The following PRKCA variants were observed in gnomAD, a reference collection of about 807,000 sequenced individuals.
PRKCA encodes the protein protein kinase C alpha type.
PRKCA carries 27 observed loss-of-function variants against 87.0 expected under a neutral mutation model. The observed-to-expected ratio is 0.31, with a 90% CI of 0.23 to 0.43. The LOEUF (loss-of-function observed/expected upper bound fraction) is 0.43, where lower values mean the gene tolerates loss of function less well. PRKCA is among the 20% of genes least tolerant of loss of function. The probability of loss-of-function intolerance (pLI) is 1.00; values close to 1 mark genes in which losing one functional copy is unlikely to be tolerated. For synonymous variants in PRKCA, 329 were observed against 311.1 expected (o/e 1.06, Z -0.61); for missense variants, 518 against 852.3 (o/e 0.61, Z 4.88).
intron 2 of PRKCA, among the ~76,000 whole-genome samples, chr17:66,484,166 C>T (rs1026311282): frequency 6.6e-6 from 1 of 152,060 alleles, no homozygotes; most frequent in Non-Finnish European, 1.5e-5. Flanking sequence ...TTACTCACTA[C>T]GACGAGAACA....
intron 3 of PRKCA, among the ~76,000 whole-genome samples, chr17:66,606,289 G>A (rs1970207574): frequency 6.6e-6 from 1 of 152,192 alleles, no homozygotes; most frequent in Non-Finnish European, 1.5e-5. Context: ...TCGGGAGGCT[G>A]AGGCAGGAGA....
At chr17:66,461,460 G>T (rs1209349560) in intron 2 of PRKCA, among the ~76,000 whole-genome samples, 1 of 152,130 alleles carries the variant, frequency 6.6e-6, no homozygotes, top group Non-Finnish European at 1.5e-5. Context: ...CACCTGAGTT[G>T]TGGTGAACAG....
chr17:66,548,657 C>T (rs983739669), intron 3 of PRKCA, among the ~76,000 whole-genome samples: 2 of 152,152 alleles, frequency 1.3e-5, no homozygotes, highest in Non-Finnish European at 2.9e-5. Context: ...TGAGGTGACC[C>T]TATCCTGGAC....
At chr17:66,534,313 AGGTCG>A (rs1967685599) in intron 3 of PRKCA, among the ~76,000 whole-genome samples, 1 of 152,138 alleles carries the variant, frequency 6.6e-6, no homozygotes, top group Admixed American at 6.5e-5. Flanking sequence ...TATCTGATGA[AGGTCG>A]ATTCTTATCC....
Position 66,810,273 on chromosome 17 carries a change from G to C in PRKCA, c.*6236G>C, listed in dbSNP as rs919250042. ...GAAGAATATCATTCTTTTCTTGAAG[G>C]GTTGGTTTACTAGAATATTCAAAAT... On this transcript the variant is annotated 3_prime_UTR_variant, in exon 17 of 17. Transcript: ENST00000413366. 1 of 152,064 alleles carries C rather than the reference G, an allele frequency of 6.6e-6. No individual in the cohort carries two copies. The highest frequency in any genetic ancestry group is 1.5e-5 in the Non-Finnish European group (1 of 68,014). The allele number at this position is 152,064 out of a possible 1,614,324, so 9.4% of individuals were successfully genotyped here.
At chr17:66,466,815 G>A (rs759127334) in intron 2 of PRKCA, among the ~76,000 whole-genome samples, 1 of 151,884 alleles carries the variant, frequency 6.6e-6, no homozygotes, top group African/African-American at 2.4e-5. Flanking sequence ...ATTCCTTCAC[G>A]CTGGGGTCAA....
intron 2 of PRKCA, chr17:66,415,329 A>G (rs1912072932): frequency 1.3e-5 from 2 of 152,142 alleles, no homozygotes; most frequent in African/African-American, 4.8e-5. Flanking sequence ...GCTTATATCA[A>G]ATTAGCATGA....
Position 66,377,719 on chromosome 17 carries a change from A to ATTTT in PRKCA, c.205+71593_205+71594insTTTT, listed in dbSNP as rs1202755202. Among the ~76,000 whole-genome samples the ATTTT allele has an allele frequency of 1.4e-3, 51 of 37,158 alleles. 1 individual carries two copies. The South Asian group carries it at 0.028, about 20-fold the overall frequency. The allele number at this position is 37,158 out of a possible 152,430, so 24.4% of individuals were successfully genotyped here. A position where few individuals can be genotyped will look rare whatever the true frequency, so the allele number is the denominator to read the frequency against. The stretch of plus-strand genomic sequence containing the variant: ...CTATGTTTTATATATATATATATAT[A>ATTTT]TATTTTTTTTTTTTTTTTTTTTTGA... On this transcript the variant is annotated intron_variant, in intron 2 of 16. Coordinates refer to ENST00000413366, the MANE Select transcript of PRKCA (RefSeq NM_002737.3).
chr17:66,428,981 T>G (rs1462875046), intron 2 of PRKCA, among the ~76,000 whole-genome samples: 1 of 152,204 alleles, frequency 6.6e-6, no homozygotes, highest in Admixed American at 6.5e-5. Context: ...AGGTAAAGTT[T>G]GAGATAAATT....
intron 2 of PRKCA, among the ~76,000 whole-genome samples, chr17:66,370,826 G>GAA (rs1444531547): frequency 1.3e-5 from 2 of 152,192 alleles, no homozygotes; most frequent in African/African-American, 4.8e-5. Context: ...GTTTTTCAGA[G>GAA]AAGAATATTG....
intron 13 of PRKCA, among the ~76,000 whole-genome samples, chr17:66,745,219 C>A (rs74845781): frequency 0.018 from 2,751 of 152,346 alleles, 37 homozygotes; most frequent in Non-Finnish European, 0.029. Context: ...AAACACACTT[C>A]TGTCATGTCT....
intron 8 of PRKCA, among the ~76,000 whole-genome samples, chr17:66,729,877 C>G (rs1973845744): frequency 6.6e-6 from 1 of 151,496 alleles, no homozygotes; most frequent in Non-Finnish European, 1.5e-5. Context: ...CTCCGCCTCC[C>G]CAGTCCCAGT....
intron 10 of PRKCA, among the ~76,000 whole-genome samples, chr17:66,736,911 C>T (rs1224022502): frequency 6.6e-6 from 1 of 152,208 alleles, no homozygotes; most frequent in Non-Finnish European, 1.5e-5. Context: ...GCAAGAGACA[C>T]TCACAGCCTA....
At chr17:66,441,401 T>C (rs1913748512) in intron 2 of PRKCA, among the ~76,000 whole-genome samples, 1 of 144,232 alleles carries the variant, frequency 6.9e-6, no homozygotes, top group African/African-American at 2.6e-5. Context: ...ATCTCCTCTT[T>C]CCTAAGTGGA....
chr17:66,411,356 G>A (rs569795593), intron 2 of PRKCA, among the ~76,000 whole-genome samples: 210 of 151,760 alleles, frequency 1.4e-3, no homozygotes, highest in African/African-American at 5.0e-3. Context: ...GCCACTGCGC[G>A]CAGCCATGCT....
intron 8 of PRKCA, among the ~76,000 whole-genome samples, chr17:66,713,404 A>G (rs1216991875): frequency 6.6e-6 from 1 of 152,120 alleles, no homozygotes; most frequent in Non-Finnish European, 1.5e-5. Context: ...CCGGTTGTAC[A>G]TTAGGTACAA....
chr17:66,437,174 T>A (rs1411985865), intron 2 of PRKCA, among the ~76,000 whole-genome samples: 2 of 152,116 alleles, frequency 1.3e-5, no homozygotes, highest in African/African-American at 4.8e-5. Context: ...GGTAGGGAGT[T>A]GGCAGCATGG....
intron 2 of PRKCA, chr17:66,412,824 TG>T (rs1781120878): frequency 1.3e-5 from 2 of 152,218 alleles, no homozygotes; most frequent in Admixed American, 6.5e-5. Flanking sequence ...ACTTCCTCCA[TG>T]GTCTCTAAAA....
At chr17:66,544,545 T>G (rs1470696060) in intron 3 of PRKCA, among the ~76,000 whole-genome samples, 1 of 152,218 alleles carries the variant, frequency 6.6e-6, no homozygotes, top group Non-Finnish European at 1.5e-5. Context: ...ACATGAAGCC[T>G]TGTTACAGTA....
Sources: gnomAD v4.1 joint callset for allele counts (sites outside exome capture counted in the v4.1 genomes callset) on GRCh38, gnomAD v4.1.1 for gene constraint, MANE v1.5 for transcripts, NCBI Gene and HGNC (gene_info 2026-07-23, HGNC 2026-07-21) for gene names.